The following PPHLN1 variants were observed in gnomAD, a reference collection of about 807,000 sequenced individuals.
PPHLN1 encodes the protein periphilin 1.
Under a neutral mutation model 51.3 loss-of-function variants are expected in PPHLN1, and 29 were observed. The observed-to-expected ratio is 0.57, with a 90% confidence interval of 0.42 to 0.77. PPHLN1 has a LOEUF of 0.77. Ranked by LOEUF, PPHLN1 falls within the 30% of genes least tolerant of loss-of-function variation. The pLI is 0.00. For missense variants in PPHLN1, 436 were observed against 438.4 expected (o/e 0.99, Z 0.05); for synonymous variants, 147 against 147.8 (o/e 0.99, Z 0.04).
At chr12:42,442,851 T>G, downstream of PPHLN1, 5 of 1,507,262 alleles carry the variant, frequency 3.3e-6, no homozygotes, top group Non-Finnish European at 4.5e-6. Flanking sequence ...TATAAAAGTA[T>G]TGAAACAACT....
At chr12:42,353,501 A>G (rs2073662985) in intron 3 of PPHLN1, among the ~76,000 whole-genome samples, 1 of 152,216 alleles carries the variant, frequency 6.6e-6, no homozygotes, top group Admixed American at 6.5e-5. Context: ...CCAAAGTTGT[A>G]ATGAGACTAT....
chr12:42,365,813 G>A (rs752201071), intron 4 of PPHLN1, among the ~76,000 whole-genome samples: 1 of 152,102 alleles, frequency 6.6e-6, no homozygotes, highest in African/African-American at 2.4e-5. Flanking sequence ...CATCAGTTTC[G>A]TCAGATGTGT....
rs150349023 is a variant in PPHLN1, at chr12:42,441,329, C to T, written c.924C>T (p.Asp308=). 2 of 1,611,770 alleles carry T rather than the reference C, an allele frequency of 1.2e-6. No individual in the cohort carries two copies. The highest frequency in any genetic ancestry group is 1.7e-6 in the Non-Finnish European group (2 of 1,178,368). Residue 308 remains aspartate (D), a synonymous_variant, in exon 10 of 10, where the codon GAC becomes GAT. Transcript: ENST00000358314. ...TTACCTTTTAGGTTTACCGACAAGACTGTGAAACTTTCGGGATGGTGGTGA... is the reference window on the plus strand; with the variant it reads ...TTACCTTTTAGGTTTACCGACAAGATTGTGAAACTTTCGGGATGGTGGTGA... The part of the protein sequence containing the change: ...TKEIEQVYRQ[D]CETFGMVVKM...
At chr12:42,418,956 C>T (rs2080729553) in intron 9 of PPHLN1, among the ~76,000 whole-genome samples, 1 of 151,944 alleles carries the variant, frequency 6.6e-6, no homozygotes, top group South Asian at 2.1e-4. Flanking sequence ...CTCATTTAAT[C>T]CTCACAAAAG....
intron 3 of PPHLN1, among the ~76,000 whole-genome samples, chr12:42,353,581 T>A (rs1281422234): frequency 6.6e-6 from 1 of 152,222 alleles, no homozygotes; most frequent in Non-Finnish European, 1.5e-5. Context: ...CAGAATTGAT[T>A]TTTATTTTAT....
At chr12:42,436,289 C>G (rs1422124467) in intron 9 of PPHLN1, among the ~76,000 whole-genome samples, 1 of 151,882 alleles carries the variant, frequency 6.6e-6, no homozygotes, top group Non-Finnish European at 1.5e-5. Flanking sequence ...CACACTTTAG[C>G]TATTCATTCA....
intron 1 of PPHLN1, among the ~76,000 whole-genome samples, chr12:42,334,504 C>T (rs2070293452): frequency 6.6e-6 from 1 of 152,152 alleles, no homozygotes; most frequent in African/African-American, 2.4e-5. Context: ...TTAACTTAAA[C>T]TAACTGAACC....
chr12:42,440,101 A>C lies in PPHLN1; in HGVS notation c.910-1214A>C, dbSNP rs201514940. Among the ~76,000 whole-genome samples, 50 of 149,180 alleles carry C rather than the reference A, an allele frequency of 3.4e-4. No homozygotes were observed. In the East Asian group the frequency reaches 9.5e-3, roughly 28 times the overall value. ...TATGTTACTTATATTTATTTATATT[A>C]ATACATATTTATATAGTTTATATTT... On this transcript the variant is annotated intron_variant, in intron 9 of 9. Transcript: ENST00000358314.
intron 5 of PPHLN1, among the ~76,000 whole-genome samples, chr12:42,383,983 C>CAAAAAAAAAAAAAAAAAAA (rs61016692): frequency 3.9e-5 from 2 of 51,644 alleles, no homozygotes; most frequent in Non-Finnish European, 8.1e-5. Flanking sequence ...GACTGTGTCT[C>CAAAAAAAAAAAAAAAAAAA]AAAAAAAAAA....
chr12:42,406,176 C>A (rs949328958), intron 9 of PPHLN1, among the ~76,000 whole-genome samples: 1 of 151,714 alleles, frequency 6.6e-6, no homozygotes, highest in East Asian at 1.9e-4. Context: ...CTCCACCTTC[C>A]GGGTTCATGC....
In PPHLN1 at chr12:42,334,701, A is replaced by G. The variant is rs997412869; in HGVS notation, c.-20-1182A>G. The stretch of plus-strand genomic sequence containing the variant: ...TGAAAGGTACTAACTTACTACCTGG[A>G]CCATTTTCATTTTTTGCTCATGGTG... On this transcript the variant is annotated intron_variant, in intron 1 of 9. Transcript: ENST00000358314. Among the ~76,000 whole-genome samples the G allele has an allele frequency of 7.9e-5, 12 of 152,244 alleles. No individual in the cohort carries two copies. The South Asian group carries it at 2.5e-3, about 32-fold the overall frequency.
At chr12:42,433,109 T>A in intron 9 of PPHLN1, 2 of 779,430 alleles carry the variant, frequency 2.6e-6, no homozygotes, top group Admixed American at 1.7e-5. Context: ...GTTGTTCAAA[T>A]GTGACTATTT....
At chr12:42,337,248 G>GTT (rs1252361536) in intron 2 of PPHLN1, among the ~76,000 whole-genome samples, 1 of 137,812 alleles carries the variant, frequency 7.3e-6, no homozygotes. Flanking sequence ...GAATTGTTCT[G>GTT]TTTTTTTTTT....
At chr12:42,333,207 A>C (rs2070056324) in intron 1 of PPHLN1, among the ~76,000 whole-genome samples, 1 of 152,006 alleles carries the variant, frequency 6.6e-6, no homozygotes, top group Non-Finnish European at 1.5e-5. Context: ...TTGCAAAAAT[A>C]CTCCTTTTGT....
intron 9 of PPHLN1, among the ~76,000 whole-genome samples, chr12:42,417,406 G>A (rs940311596): frequency 1.3e-5 from 2 of 152,034 alleles, no homozygotes; most frequent in African/African-American, 4.8e-5. Flanking sequence ...TAAGAGTAGG[G>A]GGAAATGGGA....
chr12:42,333,773 C>T (rs992957129), intron 1 of PPHLN1, among the ~76,000 whole-genome samples: 6 of 152,198 alleles, frequency 3.9e-5, no homozygotes, highest in African/African-American at 7.2e-5. Context: ...TGAGCCGCTG[C>T]GCCCGGCCAA....
At chr12:42,389,555 G>A (rs544589410) in intron 7 of PPHLN1, among the ~76,000 whole-genome samples, 1 of 152,276 alleles carries the variant, frequency 6.6e-6, no homozygotes, top group East Asian at 1.9e-4. Flanking sequence ...GCGAGACTCT[G>A]TCTCAAAAAA....
At chr12:42,368,325 A>T (rs928261066) in intron 4 of PPHLN1, among the ~76,000 whole-genome samples, 1 of 152,140 alleles carries the variant, frequency 6.6e-6, no homozygotes, top group Non-Finnish European at 1.5e-5. Flanking sequence ...TTATAATAAG[A>T]ATTGATTGCT....
At chr12:42,412,392 C>T (rs1452557703) in intron 9 of PPHLN1, among the ~76,000 whole-genome samples, 1 of 151,642 alleles carries the variant, frequency 6.6e-6, no homozygotes, top group Non-Finnish European at 1.5e-5. Context: ...TGGCTTCCAG[C>T]TCTATCAGAA....
Sources: allele counts gnomAD v4.1 joint callset (sites outside exome capture counted in the v4.1 genomes callset), GRCh38; gene constraint gnomAD v4.1.1; transcripts MANE v1.5; gene names NCBI Gene and HGNC (gene_info 2026-07-23, HGNC 2026-07-21).